The following DIS3L2 variants were observed in gnomAD, a reference collection of about 807,000 sequenced individuals.
DIS3L2 encodes DIS3 like 3'-5' exoribonuclease 2.
In DIS3L2, 34 loss-of-function variants were observed where a neutral mutation model predicts 97.5. The observed-to-expected ratio is 0.35, with a 90% CI of 0.27 to 0.46. The LOEUF (loss-of-function observed/expected upper bound fraction) is 0.46, where lower values mean the gene tolerates loss of function less well. Ranked by LOEUF, DIS3L2 falls within the 20% of genes least tolerant of loss-of-function variation. The pLI, the probability that DIS3L2 is intolerant of heterozygous loss-of-function variation, is 1.00. For synonymous variants in DIS3L2, 435 were observed against 445.2 expected (o/e 0.98, Z 0.29); for missense variants, 1,038 against 1,146.0 (o/e 0.91, Z 1.36).
Position 232,334,831 on chromosome 2 carries a change from G to A in DIS3L2, c.2394+96G>A, listed in dbSNP as rs543189722. On this transcript the variant is annotated intron_variant, in intron 19 of 20. Transcript: ENST00000325385. ...TGTGATGGGTCACACTCCACCCCTC[G>A]CTCCCCCAGCCCTAGCACAAAGCCC... The A allele has an allele frequency of 4.8e-5, 49 of 1,018,158 alleles. No homozygotes were observed. The African/African-American group carries it at 5.7e-4, about 12-fold the overall frequency. 63.1% of individuals were successfully genotyped at this position (1,018,158 alleles called of 1,614,324 possible).
intron 12 of DIS3L2, among the ~76,000 whole-genome samples, chr2:232,261,692 T>C (rs1217351262): frequency 6.6e-6 from 1 of 152,160 alleles, no homozygotes; most frequent in Non-Finnish European, 1.5e-5. Flanking sequence ...AAAATAGCCT[T>C]CATAAACACC....
In DIS3L2 at chr2:232,257,046, A is replaced by C. The variant is rs544144843; in HGVS notation, c.1426-6161A>C. 5.7e-4 allele frequency among the ~76,000 whole-genome samples: 87 copies of C among 152,318 alleles called. No individual in the cohort carries two copies. The Middle Eastern group carries it at 0.01, about 18-fold the overall frequency. Reference sequence around the variant, plus strand: ...GGCAGGAGAATTGCTTGAACCCAGGAGGCAGAAGTTGCAGTGAGCCACCTG... The same window carrying C: ...GGCAGGAGAATTGCTTGAACCCAGGCGGCAGAAGTTGCAGTGAGCCACCTG... On this transcript the variant is annotated intron_variant, in intron 12 of 20. Coordinates refer to ENST00000325385, the MANE Select transcript of DIS3L2 (RefSeq NM_152383.5).
chr2:232,214,381 A>C (rs2106223088), intron 10 of DIS3L2, among the ~76,000 whole-genome samples: 1 of 152,342 alleles, frequency 6.6e-6, no homozygotes, highest in African/African-American at 2.4e-5. Flanking sequence ...TAATGATCTG[A>C]AACAGTGCTC....
intron 1 of DIS3L2, among the ~76,000 whole-genome samples, chr2:232,000,422 C>A (rs1014431863): frequency 6.6e-6 from 1 of 152,054 alleles, no homozygotes; most frequent in African/African-American, 2.4e-5. Context: ...TCTCCTCTCC[C>A]CTCAACCCCC....
intron 19 of DIS3L2, chr2:232,335,018 T>A (rs897490578): frequency 2.7e-5 from 11 of 405,056 alleles, no homozygotes; most frequent in Admixed American, 2.5e-4. Flanking sequence ...GGGGACTGTG[T>A]TTATAGGAAC....
intron 12 of DIS3L2, among the ~76,000 whole-genome samples, chr2:232,258,017 C>G (rs973040277): frequency 5.3e-5 from 8 of 152,168 alleles, no homozygotes; most frequent in African/African-American, 1.7e-4. Flanking sequence ...ATGCACTCCT[C>G]CCAGATGTGT....
At chr2:232,215,565 G>C (rs1356918049) in intron 10 of DIS3L2, among the ~76,000 whole-genome samples, 1 of 152,144 alleles carries the variant, frequency 6.6e-6, no homozygotes. Flanking sequence ...GGAGCCCATA[G>C]CAATAAGGGA....
In DIS3L2 at chr2:232,238,433, T is replaced by G. The variant is rs943204086; in HGVS notation, c.1205-100T>G. The G allele has an allele frequency of 2.6e-5, 24 of 935,618 alleles. 1 individual carries two copies. In the African/African-American group the frequency reaches 2.8e-4, roughly 11 times the overall value. The allele number at this position is 935,618 out of a possible 1,614,324, so 58.0% of individuals were successfully genotyped here. A position where few individuals can be genotyped will look rare whatever the true frequency, so the allele number is the denominator to read the frequency against. ...AGATGTGTCACCTAACTGCAGGTCCTGTGGCCTCTGGGAGTGACATACATT... is the reference window on the plus strand; with the variant it reads ...AGATGTGTCACCTAACTGCAGGTCCGGTGGCCTCTGGGAGTGACATACATT... On this transcript the variant is annotated intron_variant, in intron 10 of 20. Transcript: ENST00000325385.
At chr2:232,050,981 G>T (rs1219160765) in intron 5 of DIS3L2, among the ~76,000 whole-genome samples, 1 of 152,224 alleles carries the variant, frequency 6.6e-6, no homozygotes, top group Non-Finnish European at 1.5e-5. Flanking sequence ...TTGGAAAGGA[G>T]AGTTTGCGAA....
chr2:232,202,312 C>T (rs1264439314), intron 9 of DIS3L2, among the ~76,000 whole-genome samples: 1 of 152,054 alleles, frequency 6.6e-6, no homozygotes, highest in African/African-American at 2.4e-5. Context: ...GCAGGAGAAC[C>T]GCTTGAACCT....
chr2:232,047,213 C>T (rs1484316228), intron 5 of DIS3L2, among the ~76,000 whole-genome samples: 1 of 152,190 alleles, frequency 6.6e-6, no homozygotes, highest in African/African-American at 2.4e-5. Flanking sequence ...AAGTGCAAAG[C>T]ACCTCCTCAT....
chr2:232,088,892 C>A (rs1696749616), intron 6 of DIS3L2, among the ~76,000 whole-genome samples: 1 of 152,148 alleles, frequency 6.6e-6, no homozygotes, highest in South Asian at 2.1e-4. Flanking sequence ...TTTATGTATA[C>A]TATTAATGGA....
chr2:232,121,594 T>C (rs1428261903), intron 6 of DIS3L2, among the ~76,000 whole-genome samples: 1 of 152,208 alleles, frequency 6.6e-6, no homozygotes, highest in Admixed American at 6.5e-5. Context: ...ATACTCTTCC[T>C]GTGATGGCTC....
intron 6 of DIS3L2, among the ~76,000 whole-genome samples, chr2:232,110,199 C>G (rs151038892): frequency 1.6e-3 from 246 of 152,230 alleles, no homozygotes; most frequent in African/African-American, 5.5e-3. Context: ...ACAACAGATG[C>G]TGGCAAGGCT....
chr2:232,087,527 C>T lies in DIS3L2; in HGVS notation c.407C>T (p.Ala136Val), dbSNP rs752699253. ...PESNDKETEA[A>V]YESDIPEELC... Reference sequence around the variant, plus strand: ...AGCAATGACAAAGAAACAGAAGCTGCGTATGAATCAGATATCCCCGAGGAG... The same window carrying T: ...AGCAATGACAAAGAAACAGAAGCTGTGTATGAATCAGATATCCCCGAGGAG... Residue 136 changes from alanine to valine, a missense_variant, in exon 6 of 21, where the codon GCG becomes GTG. Coordinates refer to ENST00000325385, the MANE Select transcript of DIS3L2 (RefSeq NM_152383.5). 31 of 1,613,184 alleles carry T rather than the reference C, an allele frequency of 1.9e-5. No individual in the cohort carries two copies. Among genetic ancestry groups the T allele is most frequent in the South Asian group, 1.8e-4 (16 of 91,010 alleles).
intron 8 of DIS3L2, among the ~76,000 whole-genome samples, chr2:232,147,959 T>TCCC: frequency 1.8e-5 from 2 of 112,870 alleles, no homozygotes; most frequent in African/African-American, 6.8e-5. Flanking sequence ...TCCCCTCCCT[T>TCCC]TCCTCCCCTC....
In DIS3L2 at chr2:232,232,237, G is replaced by C. The variant is rs1209286787; in HGVS notation, c.1205-6296G>C. 3.9e-5 allele frequency among the ~76,000 whole-genome samples: 6 copies of C among 152,164 alleles called. No homozygotes were observed. The South Asian group carries it at 1.2e-3, about 32-fold the overall frequency. ...AGAAACAAGACCATGGGATGGGAGGGGTGGGCAAAAGCCAGGCCAGGCAGG... is the reference window on the plus strand; with the variant it reads ...AGAAACAAGACCATGGGATGGGAGGCGTGGGCAAAAGCCAGGCCAGGCAGG... On this transcript the variant is annotated intron_variant, in intron 10 of 20. Transcript: ENST00000325385.
intron 5 of DIS3L2, among the ~76,000 whole-genome samples, chr2:232,077,957 CTTT>C (rs1559602080): frequency 0.021 from 681 of 32,034 alleles, 4 homozygotes; most frequent in Non-Finnish European, 0.027. Context: ...CTTTCTTTCT[CTTT>C]CTTTCTTTCT....
intron 12 of DIS3L2, chr2:232,260,489 T>TG (rs1693686559): frequency 6.6e-6 from 1 of 152,262 alleles, no homozygotes; most frequent in African/African-American, 2.4e-5. Flanking sequence ...AGCACACACA[T>TG]GCTTCCTGAG....
Sources: gnomAD v4.1 joint callset for allele counts (sites outside exome capture counted in the v4.1 genomes callset) on GRCh38, gnomAD v4.1.1 for gene constraint, MANE v1.5 for transcripts, NCBI Gene and HGNC (gene_info 2026-07-23, HGNC 2026-07-21) for gene names.